Variants in MYO16 observed in about 807,000 individuals in gnomAD.
The protein encoded by MYO16 is myosin XVI.
A neutral mutation model predicts 205.3 loss-of-function variants in MYO16; 94 were observed. The observed-to-expected ratio is 0.46, with a 90% CI of 0.39 to 0.54. The LOEUF (loss-of-function observed/expected upper bound fraction) is 0.54, where lower values mean the gene tolerates loss of function less well. MYO16 is among the 20% of genes least tolerant of loss of function. The pLI, the probability that MYO16 is intolerant of heterozygous loss-of-function variation, is 0.00. For missense variants in MYO16, 2,315 were observed against 2,387.5 expected (o/e 0.97, Z 0.63); for synonymous variants, 988 against 954.0 (o/e 1.04, Z -0.66).
chr13:108,736,350 C>G (rs1211623360), intron 4 of MYO16, among the ~76,000 whole-genome samples: 1 of 152,132 alleles, frequency 6.6e-6, no homozygotes, highest in Non-Finnish European at 1.5e-5. Context: ...CCAGTTTCAG[C>G]TTTCTATGTA....
chr13:108,839,031 A>AAGGTAT (rs1352938548), intron 9 of MYO16, among the ~76,000 whole-genome samples: 1 of 152,016 alleles, frequency 6.6e-6, no homozygotes. Flanking sequence ...TAAGAAATGA[A>AAGGTAT]AGGTATTTCT....
At position 109,052,364 on chromosome 13, in the gene MYO16, A is replaced by G. The variant is rs746367659; in HGVS notation, c.2937A>G (p.Val979=). The G allele has an allele frequency of 6.2e-7, 1 of 1,613,118 alleles. No homozygotes were observed. Among genetic ancestry groups the G allele is most frequent in the Non-Finnish European group, 8.5e-7 (1 of 1,179,198 alleles). ...AATTGTCACAAACAGGATCCCTCGT[A>G]TCTGCCTATCCTTCCTTTAAATTCC... ...QSKLSQTGSL[V]SAYPSFKFRG... Residue 979 remains valine, a synonymous_variant, in exon 25 of 35, where the codon GTA becomes GTG. Transcript: ENST00000457511.
At chr13:108,771,179 A>G (rs1041085366) in intron 4 of MYO16, among the ~76,000 whole-genome samples, 2 of 152,314 alleles carry the variant, frequency 1.3e-5, no homozygotes, top group South Asian at 4.2e-4. Flanking sequence ...GTCTATGTCT[A>G]TATAGATATA....
At chr13:109,129,602 G>T (rs1876432644) in intron 31 of MYO16, among the ~76,000 whole-genome samples, 1 of 152,100 alleles carries the variant, frequency 6.6e-6, no homozygotes, top group Non-Finnish European at 1.5e-5. Context: ...AAAAAGGTGT[G>T]ATTAGAATAA....
chr13:108,545,402 C>A, the MYO16 span, among the ~76,000 whole-genome samples: 1 of 152,068 alleles, frequency 6.6e-6, no homozygotes, highest in African/African-American at 2.4e-5. Flanking sequence ...TCCAGTCTAC[C>A]ATTGGTGGGG....
At chr13:108,717,272 C>T (rs1361845199) in intron 3 of MYO16, among the ~76,000 whole-genome samples, 2 of 152,020 alleles carry the variant, frequency 1.3e-5, no homozygotes, top group Non-Finnish European at 2.9e-5. Flanking sequence ...TTTCTTTGAT[C>T]AAGTGAATTC....
chr13:108,699,034 T>C (rs1424859409), intron 2 of MYO16, among the ~76,000 whole-genome samples: 1 of 151,822 alleles, frequency 6.6e-6, no homozygotes, highest in Non-Finnish European at 1.5e-5. Context: ...ACTGAGATAT[T>C]TCTCTCCCAC....
the MYO16 span, among the ~76,000 whole-genome samples, chr13:108,583,211 A>G: frequency 1.3e-5 from 2 of 152,146 alleles, no homozygotes; most frequent in African/African-American, 4.8e-5. Context: ...TTTTGCACAC[A>G]TTTATTTTCT....
chr13:109,132,473 C>T (rs1170374180), intron 31 of MYO16, among the ~76,000 whole-genome samples: 2 of 152,086 alleles, frequency 1.3e-5, no homozygotes, highest in Non-Finnish European at 2.9e-5. Flanking sequence ...TGTCTTCATT[C>T]TAGAACAACA....
chr13:108,703,054 G>C (rs2139523991), intron 2 of MYO16, among the ~76,000 whole-genome samples: 1 of 152,086 alleles, frequency 6.6e-6, no homozygotes, highest in South Asian at 2.1e-4. Flanking sequence ...ACAAACAAAA[G>C]CAAAATGGTA....
intron 4 of MYO16, among the ~76,000 whole-genome samples, chr13:108,743,433 T>C (rs1296195078): frequency 6.6e-6 from 1 of 152,234 alleles, no homozygotes; most frequent in African/African-American, 2.4e-5. Flanking sequence ...AATATCAGAT[T>C]ACTGAATTCT....
chr13:108,596,582 T>C (rs752431647), intron 1 of MYO16, among the ~76,000 whole-genome samples: 22 of 152,198 alleles, frequency 1.4e-4, no homozygotes, highest in Non-Finnish European at 3.1e-4. Context: ...TATAAATGCT[T>C]TAGCAAAGTC....
At chr13:108,819,977 A>G (rs917056987) in intron 7 of MYO16, among the ~76,000 whole-genome samples, 2 of 152,182 alleles carry the variant, frequency 1.3e-5, no homozygotes, top group African/African-American at 4.8e-5. Flanking sequence ...GTTTCAGTGT[A>G]GTGATTCATT....
At chr13:108,936,113 C>CTTCCTTCT (rs1566420830) in intron 16 of MYO16, among the ~76,000 whole-genome samples, 1 of 144,462 alleles carries the variant, frequency 6.9e-6, no homozygotes, top group Non-Finnish European at 1.5e-5. Flanking sequence ...TCCTTCCTTC[C>CTTCCTTCT]TTCCTTCCTT....
chr13:108,888,518 TG>T, intron 14 of MYO16, 41 bp downstream of exon 14: 1 of 1,414,874 alleles, frequency 7.1e-7, no homozygotes, highest in Non-Finnish European at 9.8e-7. Flanking sequence ...TGAATGAAGA[TG>T]TTCAGCCAGT....
intron 27 of MYO16, among the ~76,000 whole-genome samples, chr13:109,069,669 G>A (rs939713637): frequency 1.3e-4 from 20 of 152,040 alleles, no homozygotes; most frequent in African/African-American, 4.3e-4. Flanking sequence ...GAAGGAGGTC[G>A]GGGGAGTGCT....
At chr13:108,683,430 A>C (rs1359549792) in intron 2 of MYO16, among the ~76,000 whole-genome samples, 1 of 152,206 alleles carries the variant, frequency 6.6e-6, no homozygotes, top group Non-Finnish European at 1.5e-5. Flanking sequence ...AAAGAAAGAA[A>C]GAAAGAAAAA....
intron 6 of MYO16, among the ~76,000 whole-genome samples, chr13:108,799,623 T>A (rs1441989916): frequency 6.6e-6 from 1 of 152,124 alleles, no homozygotes; most frequent in Non-Finnish European, 1.5e-5. Flanking sequence ...TCGAAGAAAA[T>A]AAAGCTATTT....
intron 23 of MYO16, among the ~76,000 whole-genome samples, chr13:109,036,598 G>C (rs1207917671): frequency 6.6e-6 from 1 of 152,172 alleles, no homozygotes; most frequent in Non-Finnish European, 1.5e-5. Flanking sequence ...AACTGCCGCA[G>C]CATAAGCAAA....
Sources: gnomAD v4.1 joint callset for allele counts (sites outside exome capture counted in the v4.1 genomes callset) on GRCh38, gnomAD v4.1.1 for gene constraint, MANE v1.5 for transcripts, NCBI Gene and HGNC (gene_info 2026-07-23, HGNC 2026-07-21) for gene names.